Variants in ADCY10 observed in about 807,000 individuals in gnomAD.
ADCY10 encodes the protein adenylate cyclase 10.
ADCY10 carries 156 observed loss-of-function variants against 183.3 expected under a neutral mutation model. The ratio of observed to expected loss-of-function variants is 0.85; its 90% CI spans 0.75 to 0.97. The LOEUF is 0.97. Ranked by LOEUF, ADCY10 falls within the 50% of genes least tolerant of loss-of-function variation. ADCY10 has a pLI of 0.00. For missense variants in ADCY10, 1,745 were observed against 1,934.3 expected (o/e 0.90, Z 1.84); for synonymous variants, 645 against 670.0 (o/e 0.96, Z 0.58).
chr1:167,829,053 A>G (rs1429437750), intron 26 of ADCY10, among the ~76,000 whole-genome samples: 3 of 152,228 alleles, frequency 2.0e-5, no homozygotes, highest in Non-Finnish European at 4.4e-5. Flanking sequence ...ACCCATATGA[A>G]TAAAAGCTAT....
At chr1:167,853,703 A>T (rs1210384528) in intron 18 of ADCY10, among the ~76,000 whole-genome samples, 1 of 152,130 alleles carries the variant, frequency 6.6e-6, no homozygotes, top group Non-Finnish European at 1.5e-5. Context: ...CTTTGTTGAT[A>T]ACTCACTTCG....
At chr1:167,864,744 AC>A (rs1666558749) in intron 14 of ADCY10, among the ~76,000 whole-genome samples, 1 of 152,142 alleles carries the variant, frequency 6.6e-6, no homozygotes, top group Non-Finnish European at 1.5e-5. Context: ...ATTCTCCGTA[AC>A]CCTGTAACAC....
At chr1:167,901,107 G>A (rs1050862074) in intron 5 of ADCY10, among the ~76,000 whole-genome samples, 9 of 152,138 alleles carry the variant, frequency 5.9e-5, no homozygotes, top group South Asian at 2.1e-4. Flanking sequence ...ATGTTTGCAC[G>A]TGCATAGTGT....
At chr1:167,885,114 CAG>C (rs1352560334) in intron 8 of ADCY10, among the ~76,000 whole-genome samples, 1 of 139,522 alleles carries the variant, frequency 7.2e-6, no homozygotes, top group Non-Finnish European at 1.6e-5. Flanking sequence ...TTGCAAATGA[CAG>C]ATCTCATTTT....
chr1:167,818,076 AG>A lies in ADCY10; in HGVS notation c.4477del (p.Leu1493SerfsTer24), dbSNP rs576118131. On this transcript the variant is annotated frameshift_variant, in exon 31 of 33. Coordinates refer to ENST00000367851, the MANE Select transcript of ADCY10 (RefSeq NM_018417.6). LOFTEE classifies it high-confidence loss of function. ...AAACTGGAGAATAGGCCTCACCTTG[AG>A]TAGCTCCTCCCCACTGGCTTGGGCA... ...ENAQASGEEL[L>X]KNLENLVAQN... 491 of 1,614,060 alleles carry A rather than the reference AG, an allele frequency of 3.0e-4. 1 individual carries two copies. Among genetic ancestry groups the A allele is most frequent in the Non-Finnish European group, 3.0e-4 (351 of 1,180,030 alleles).
chr1:167,862,236 A>G (rs1666339241), intron 14 of ADCY10, among the ~76,000 whole-genome samples: 1 of 152,364 alleles, frequency 6.6e-6, no homozygotes, highest in African/African-American at 2.4e-5. Context: ...TAGGGCCTCA[A>G]AGTGTGACCT....
chr1:167,815,449 C>T (rs1009610988), intron 31 of ADCY10, among the ~76,000 whole-genome samples: 32 of 152,108 alleles, frequency 2.1e-4, no homozygotes, highest in Middle Eastern at 3.2e-3. Context: ...CCATTATGTC[C>T]CACCTAAGGA....
At chr1:167,901,842 C>G (rs755530180) in intron 4 of ADCY10, 37 bp from the exon 5 acceptor site, 1 of 1,614,060 alleles carries the variant, frequency 6.2e-7, no homozygotes, top group South Asian at 1.1e-5. Context: ...TTTGACCTGC[C>G]CTGGGGATCA....
intron 1 of ADCY10, among the ~76,000 whole-genome samples, chr1:167,912,648 C>T (rs1355924700): frequency 1.3e-5 from 2 of 152,228 alleles, no homozygotes; most frequent in Non-Finnish European, 2.9e-5. Flanking sequence ...CTCCCTCTGT[C>T]TCTGTATGGG....
chr1:167,869,075 GTAGT>G (rs1232487482), intron 14 of ADCY10, among the ~76,000 whole-genome samples: 13 of 152,290 alleles, frequency 8.5e-5, no homozygotes, highest in Admixed American at 6.5e-4. Flanking sequence ...AGTTAAAGAC[GTAGT>G]TAAAGACATA....
At chr1:167,828,431 C>T (rs971067276) in intron 26 of ADCY10, among the ~76,000 whole-genome samples, 6 of 152,104 alleles carry the variant, frequency 3.9e-5, no homozygotes, top group Non-Finnish European at 5.9e-5. Context: ...CTCTTTCACC[C>T]TCATTCTCTC....
Position 167,883,603 on chromosome 1 carries a change from T to C in ADCY10, c.854A>G (p.Tyr285Cys). 2 of 1,614,196 alleles carry C rather than the reference T, an allele frequency of 1.2e-6. No individual in the cohort carries two copies. Among genetic ancestry groups the C allele is most frequent in the Non-Finnish European group, 1.7e-6 (2 of 1,180,028 alleles). The change falls in exon 9 of 33, where the codon TAT (tyrosine) becomes TGT (cysteine). Residue 285 changes from tyrosine (Y) to cysteine (C), a missense_variant. Coordinates refer to ENST00000367851, the MANE Select transcript of ADCY10 (RefSeq NM_018417.6). ...CGTCACTGGGCGAAGCTCAGATAAA[T>C]AGCCCTGAAGCTGTTTGTTATCAAT... Reference protein sequence around the residue: ...KQIDNKQLQGYLSELRPVTIV... With the variant: ...KQIDNKQLQGCLSELRPVTIV...
chr1:167,911,166 T>A (rs1670125702), intron 1 of ADCY10, among the ~76,000 whole-genome samples: 2 of 152,272 alleles, frequency 1.3e-5, no homozygotes, highest in African/African-American at 4.8e-5. Context: ...AACTGGGCAG[T>A]TTTAGGAAGT....
At position 167,905,113 on chromosome 1, in the gene ADCY10, C is replaced by G. The variant is rs1669724166; in HGVS notation, c.28G>C (p.Asp10His). 1 of 1,614,004 alleles carries G rather than the reference C, an allele frequency of 6.2e-7. No homozygotes were observed. Among genetic ancestry groups the G allele is most frequent in the Admixed American group, 1.7e-5 (1 of 60,000 alleles). ...GCTGCTATTCTGACTATGGGCCAGT[C>G]CTGGAATTCTTCTTTTGGAGTGTTC... is the stretch of plus-strand genomic sequence containing the variant. MNTPKEEFQ[D>H]WPIVRIAAHL... The change falls in exon 2 of 33, where the codon GAC (aspartate) becomes CAC (histidine). Residue 10 changes from aspartate (D) to histidine (H), a missense_variant. Transcript: ENST00000367851.
intron 13 of ADCY10, 71 bp from the exon 14 acceptor site, chr1:167,870,481 A>G: frequency 7.5e-7 from 1 of 1,331,344 alleles, no homozygotes; most frequent in Admixed American, 2.0e-5. Context: ...AAAAAGTCAC[A>G]TAGAAACCCT....
chr1:167,823,780 T>G (rs1172064428), intron 28 of ADCY10, among the ~76,000 whole-genome samples: 2 of 152,180 alleles, frequency 1.3e-5, no homozygotes, highest in Non-Finnish European at 2.9e-5. Flanking sequence ...TTGGCTCTTT[T>G]TTCAAATTGT....
intron 31 of ADCY10, among the ~76,000 whole-genome samples, chr1:167,811,713 C>T (rs943684073): frequency 1.3e-5 from 2 of 152,162 alleles, no homozygotes; most frequent in African/African-American, 4.8e-5. Context: ...GATGGAGACT[C>T]ACAAGTGGAA....
chr1:167,871,856 T>A (rs1297712541), intron 13 of ADCY10, among the ~76,000 whole-genome samples: 1 of 152,212 alleles, frequency 6.6e-6, no homozygotes, highest in African/African-American at 2.4e-5. Flanking sequence ...TGAACCTCAA[T>A]TTCGTGAGAT....
In ADCY10 at chr1:167,880,209, A is replaced by G. The variant is rs372238446; in HGVS notation, c.1140-18T>C. ...ATACAGTTCTGGTGCAGGGGAGACA[A>G]GATTTGTGGGGAAAGAAATAAAGAT... On this transcript the variant is annotated intron_variant, in intron 10 of 32. Transcript: ENST00000367851. 6.9e-6 allele frequency: 11 copies of G among 1,602,032 alleles called. No individual in the cohort carries two copies. The highest frequency in any genetic ancestry group is 8.5e-6 in the Non-Finnish European group (10 of 1,170,578).
Sources: allele counts gnomAD v4.1 joint callset (sites outside exome capture counted in the v4.1 genomes callset), GRCh38; gene constraint gnomAD v4.1.1; transcripts MANE v1.5; gene names NCBI Gene and HGNC (gene_info 2026-07-23, HGNC 2026-07-21).